GPCPD1: variants seen among roughly 807,000 people sequenced by gnomAD.
GPCPD1 encodes glycerophosphocholine phosphodiesterase 1.
GPCPD1 carries 29 observed loss-of-function variants against 89.2 expected under a neutral mutation model. The observed-to-expected ratio is 0.33, with a 90% CI of 0.24 to 0.44. GPCPD1 has a LOEUF of 0.44. GPCPD1 is among the 20% of genes least tolerant of loss of function. GPCPD1 has a pLI of 1.00. For missense variants in GPCPD1, 594 were observed against 808.9 expected, an observed-to-expected ratio of 0.73 and a Z score of 3.22; for synonymous variants, 258 against 266.3, an observed-to-expected ratio of 0.97 and a Z score of 0.30.
At chr20:5,584,404 A>C in intron 5 of GPCPD1, 82 bp from the exon 6 acceptor site, 1 of 681,772 alleles carries the variant, frequency 1.5e-6, no homozygotes, top group South Asian at 1.7e-5. Context: ...CCCACCTTAA[A>C]GATCGTTTAT....
intron 15 of GPCPD1, among the ~76,000 whole-genome samples, chr20:5,564,293 C>T (rs1986248561): frequency 6.6e-6 from 1 of 151,724 alleles, no homozygotes; most frequent in African/African-American, 2.4e-5. Context: ...AAACTCGCTT[C>T]CCTCTCAAAA....
chr20:5,584,667 T>A (rs947342908), intron 5 of GPCPD1: 1 of 161,014 alleles, frequency 6.2e-6, no homozygotes, highest in Non-Finnish European at 1.4e-5. Context: ...TCCTTCTTGA[T>A]TTTCAAACCA....
rs200187835 is a variant in GPCPD1, at chr20:5,595,808, G to T, written c.147-2397C>A. Among the ~76,000 whole-genome samples the T allele has an allele frequency of 2.2e-4, 33 of 151,056 alleles. No homozygotes were observed. The East Asian group carries it at 4.5e-3, about 21-fold the overall frequency. On this transcript the variant is annotated intron_variant, in intron 3 of 19. Transcript: ENST00000379019. ...TCTGCTACCCCAAAAAGAAAAAAAG[G>T]GGGGGGGACAAATTCCCAGTACTAC...
intron 15 of GPCPD1, among the ~76,000 whole-genome samples, chr20:5,563,627 G>A (rs1986214104): frequency 6.6e-6 from 1 of 152,024 alleles, no homozygotes; most frequent in Non-Finnish European, 1.5e-5. Flanking sequence ...GCCTGCCCTG[G>A]CCTCCCAAAG....
At chr20:5,601,794 G>T (rs1308256666) in intron 2 of GPCPD1, among the ~76,000 whole-genome samples, 1 of 152,152 alleles carries the variant, frequency 6.6e-6, no homozygotes, top group Non-Finnish European at 1.5e-5. Context: ...GTAAAATGGG[G>T]ACTCAGTGGT....
At chr20:5,566,067 G>T (rs550797237) in intron 14 of GPCPD1, among the ~76,000 whole-genome samples, 7 of 152,106 alleles carry the variant, frequency 4.6e-5, no homozygotes, top group African/African-American at 1.7e-4. Flanking sequence ...TCTGGGTGGG[G>T]ATAATCTTTG....
At chr20:5,606,103 C>T (rs1168173966) in intron 1 of GPCPD1, among the ~76,000 whole-genome samples, 1 of 152,088 alleles carries the variant, frequency 6.6e-6, no homozygotes, top group African/African-American at 2.4e-5. Flanking sequence ...TCATTTCTTC[C>T]CTGTCAGTCA....
intron 4 of GPCPD1, among the ~76,000 whole-genome samples, chr20:5,590,754 C>T (rs1329661441): frequency 6.6e-6 from 1 of 152,010 alleles, no homozygotes; most frequent in Non-Finnish European, 1.5e-5. Flanking sequence ...AATTATCTAT[C>T]GCAGGTGACT....
chr20:5,551,016 G>A (rs1985376409), intron 19 of GPCPD1, among the ~76,000 whole-genome samples: 1 of 152,180 alleles, frequency 6.6e-6, no homozygotes, highest in Non-Finnish European at 1.5e-5. Context: ...GTGCCCTCAT[G>A]AGCCTGAACT....
chr20:5,593,370 G>A lies in GPCPD1; in HGVS notation c.188C>T (p.Ser63Leu), dbSNP rs748431529. ...KATIVLSRGV[S>L]VQYRYFKGYF... is the part of the protein sequence containing the mutation. ...CCCTTTGAAGTAGCGATACTGAACT[G>A]ATACTCCTCTACTGAGTACAATGGT... Residue 63 changes from serine to leucine, a missense_variant, in exon 4 of 20, where the codon TCA becomes TTA. Coordinates refer to ENST00000379019, the MANE Select transcript of GPCPD1 (RefSeq NM_019593.5). 1 of 1,598,724 alleles carries A rather than the reference G, an allele frequency of 6.3e-7. No homozygotes were observed. Among genetic ancestry groups the A allele is most frequent in the South Asian group, 1.1e-5 (1 of 90,720 alleles).
At chr20:5,584,255 C>T (rs1356883731) in intron 6 of GPCPD1, 26 bp downstream of exon 6, 2 of 1,100,432 alleles carry the variant, frequency 1.8e-6, no homozygotes. Flanking sequence ...TTTCAGTAAA[C>T]ATTTAAGTAA....
At chr20:5,582,627 G>A (rs921724130) in intron 6 of GPCPD1, among the ~76,000 whole-genome samples, 4 of 152,152 alleles carry the variant, frequency 2.6e-5, no homozygotes, top group African/African-American at 2.4e-5. Context: ...GGTGGCTTAC[G>A]CCTGTAATCC....
chr20:5,575,039 C>CT (rs1034083670), intron 10 of GPCPD1, among the ~76,000 whole-genome samples: 3 of 152,150 alleles, frequency 2.0e-5, no homozygotes, highest in African/African-American at 7.2e-5. Flanking sequence ...AGTTTAGTCA[C>CT]ACTTTTCTAG....
intron 1 of GPCPD1, among the ~76,000 whole-genome samples, chr20:5,606,201 G>A (rs1317534958): frequency 2.0e-5 from 3 of 151,862 alleles, no homozygotes; most frequent in Non-Finnish European, 4.4e-5. Context: ...AATATACTTC[G>A]AGATACTTAC....
In GPCPD1 at chr20:5,570,147, C is replaced by A; in HGVS notation, c.1149G>T (p.Lys383Asn). The change falls in exon 12 of 20, where the codon AAG (lysine) becomes AAT (asparagine). Residue 383 changes from lysine (K) to asparagine (N), a missense_variant and splice_region_variant. Coordinates refer to ENST00000379019, the MANE Select transcript of GPCPD1 (RefSeq NM_019593.5). ...TTGAAATGAAGAAATTTCAACGTAC[C>A]TTTTTCATAGTCAAACAACAGGTAA... The part of the protein sequence containing the change: ...HDLTCCLTMK[K>N]KFDADPVELF... The A allele has an allele frequency of 6.9e-7, 1 of 1,452,778 alleles. No homozygotes were observed. The highest frequency in any genetic ancestry group is 2.3e-5 in the East Asian group (1 of 43,498). 90.0% of individuals were successfully genotyped at this position (1,452,778 alleles called of 1,614,324 possible).
intron 12 of GPCPD1, among the ~76,000 whole-genome samples, chr20:5,568,996 T>A (rs908543085): frequency 6.6e-6 from 1 of 152,188 alleles, no homozygotes; most frequent in African/African-American, 2.4e-5. Context: ...TTCTCATTTA[T>A]CTTTTCATTA....
At chr20:5,550,183 G>A in intron 19 of GPCPD1, among the ~76,000 whole-genome samples, 1 of 142,538 alleles carries the variant, frequency 7.0e-6, no homozygotes, top group Non-Finnish European at 1.5e-5. Flanking sequence ...GATAGAGTGA[G>A]ACTATCTCAA....
chr20:5,584,674 A>G (rs193060821), intron 5 of GPCPD1: 16 of 163,550 alleles, frequency 9.8e-5, no homozygotes, highest in Non-Finnish European at 1.7e-4. Flanking sequence ...TGATTTTCAA[A>G]CCAAAGGTCT....
rs536029822 is a variant in GPCPD1 at position 5,557,937 on chromosome 20, A to G, written c.1829+8T>C. The G allele has an allele frequency of 6.1e-6, 9 of 1,480,648 alleles. No individual in the cohort carries two copies. Among genetic ancestry groups the G allele is most frequent in the Non-Finnish European group, 8.4e-6 (9 of 1,077,704 alleles). 91.7% of individuals were successfully genotyped at this position (1,480,648 alleles called of 1,614,324 possible). ...ATTCCATGAAAATTTTTCATGAAAA[A>G]CAAATACCTATCATAAATTAGACCA... On this transcript the variant is annotated splice_region_variant and intron_variant, in intron 19 of 19. Transcript: ENST00000379019.
Sources: gnomAD v4.1 joint callset for allele counts (sites outside exome capture counted in the v4.1 genomes callset) on GRCh38, gnomAD v4.1.1 for gene constraint, MANE v1.5 for transcripts, NCBI Gene and HGNC (gene_info 2026-07-23, HGNC 2026-07-21) for gene names.